Variants in MYO16 observed in about 807,000 individuals in gnomAD.
MYO16 encodes myosin XVI.
In MYO16, 94 loss-of-function variants were observed where a neutral mutation model predicts 205.3. That is an observed-to-expected ratio of 0.46 (90% CI 0.39 to 0.54). MYO16 has a LOEUF of 0.54. Among genes scored for constraint, MYO16 ranks in the 20% least tolerant of loss-of-function variants. The probability of loss-of-function intolerance (pLI) is 0.00; values close to 1 mark genes in which losing one functional copy is unlikely to be tolerated. For missense variants in MYO16, 2,315 were observed against 2,387.5 expected (o/e 0.97, Z 0.63); for synonymous variants, 988 against 954.0 (o/e 1.04, Z -0.66).
intron 2 of MYO16, among the ~76,000 whole-genome samples, chr13:108,679,209 G>A (rs950344441): frequency 1.3e-5 from 2 of 152,134 alleles, no homozygotes; most frequent in African/African-American, 4.8e-5. Context: ...ATCACCATTT[G>A]CATCTGTCAG....
chr13:109,040,416 A>AGAGAG (rs375579978), intron 23 of MYO16, among the ~76,000 whole-genome samples: 7 of 149,700 alleles, frequency 4.7e-5, no homozygotes, highest in East Asian at 2.0e-4. Flanking sequence ...AGAGAGAGAG[A>AGAGAG]AAATTAAAAA....
chr13:108,795,603 C>G (rs1337884819), intron 6 of MYO16, among the ~76,000 whole-genome samples: 1 of 152,124 alleles, frequency 6.6e-6, no homozygotes, highest in Non-Finnish European at 1.5e-5. Context: ...AACAACGTAA[C>G]TCTGTCATAA....
At chr13:108,853,614 T>G (rs1878005493) in intron 10 of MYO16, among the ~76,000 whole-genome samples, 2 of 136,556 alleles carry the variant, frequency 1.5e-5, no homozygotes, top group African/African-American at 5.5e-5. Context: ...TTTTTTTTTT[T>G]GAGACAGGGC....
intron 34 of MYO16, among the ~76,000 whole-genome samples, chr13:109,186,231 G>T (rs746432698): frequency 6.6e-6 from 1 of 152,108 alleles, no homozygotes; most frequent in East Asian, 1.9e-4. Context: ...ATTGATGACC[G>T]ACACATACTT....
the MYO16 span, among the ~76,000 whole-genome samples, chr13:108,563,176 T>C: frequency 6.6e-6 from 1 of 152,190 alleles, no homozygotes; most frequent in Non-Finnish European, 1.5e-5. Context: ...TTTATAACAA[T>C]ATAAGTATTT....
chr13:108,521,258 T>C, the MYO16 span, among the ~76,000 whole-genome samples: 1 of 152,220 alleles, frequency 6.6e-6, no homozygotes, highest in African/African-American at 2.4e-5. Flanking sequence ...TTAGTGAGAC[T>C]AGAATAGATA....
At chr13:109,043,611 T>C (rs1886949971) in intron 23 of MYO16, among the ~76,000 whole-genome samples, 1 of 152,188 alleles carries the variant, frequency 6.6e-6, no homozygotes. Flanking sequence ...GTACTTAGCC[T>C]TTTTGACTAT....
intron 4 of MYO16, among the ~76,000 whole-genome samples, chr13:108,765,955 G>C (rs1213470167): frequency 6.6e-6 from 1 of 151,968 alleles, no homozygotes; most frequent in Non-Finnish European, 1.5e-5. Flanking sequence ...CTGTAATAAA[G>C]GTTTTACATT....
Position 109,178,653 on chromosome 13 carries a change from TGC to T in MYO16, c.5324-886_5324-885del, listed in dbSNP as rs1162571402. ...ATCGAAGTCACTTGCGGTGATGCAT[TGC>T]GCCTGTATCACAGTGATTCTCAGCC... On this transcript the variant is annotated intron_variant, in intron 33 of 34. Transcript: ENST00000457511. 1.3e-3 allele frequency among the ~76,000 whole-genome samples: 205 copies of T among 152,302 alleles called. 2 individuals are homozygous for T. The highest frequency in any genetic ancestry group is 4.6e-3 in the African/African-American group (191 of 41,562).
At chr13:108,636,369 T>TTTTTTG (rs1555333960) in intron 1 of MYO16, among the ~76,000 whole-genome samples, 1 of 51,318 alleles carries the variant, frequency 1.9e-5, no homozygotes, top group Non-Finnish European at 4.2e-5. Flanking sequence ...TTTTTTTTTT[T>TTTTTTG]TGTGTGTGTG....
chr13:108,946,026 AT>A (rs1192689960), intron 16 of MYO16, among the ~76,000 whole-genome samples: 1 of 152,146 alleles, frequency 6.6e-6, no homozygotes, highest in Admixed American at 6.5e-5. Context: ...TAGACATGCC[AT>A]TTTTTGAAGA....
intron 20 of MYO16, among the ~76,000 whole-genome samples, chr13:108,973,928 A>G (rs1246614251): frequency 6.6e-6 from 1 of 152,066 alleles, no homozygotes; most frequent in Non-Finnish European, 1.5e-5. Flanking sequence ...GCTTTGAAGA[A>G]TTCTGCTGGC....
At chr13:108,645,555 C>T (rs919374377) in intron 1 of MYO16, among the ~76,000 whole-genome samples, 1 of 152,122 alleles carries the variant, frequency 6.6e-6, no homozygotes, top group Non-Finnish European at 1.5e-5. Context: ...CCACCTCCCA[C>T]AAAATAAGGA....
intron 4 of MYO16, among the ~76,000 whole-genome samples, chr13:108,752,348 A>C (rs904251277): frequency 3.3e-5 from 5 of 152,192 alleles, no homozygotes; most frequent in African/African-American, 1.2e-4. Flanking sequence ...CTATATAAAC[A>C]GTCACCTACA....
intron 12 of MYO16, among the ~76,000 whole-genome samples, chr13:108,869,943 C>T (rs1322710503): frequency 6.6e-6 from 1 of 150,884 alleles, no homozygotes; most frequent in Non-Finnish European, 1.5e-5. Flanking sequence ...TGGATTGGAT[C>T]ACCAGAATAA....
At chr13:109,113,233 T>C (rs964658904) in intron 28 of MYO16, among the ~76,000 whole-genome samples, 5 of 152,122 alleles carry the variant, frequency 3.3e-5, no homozygotes, top group Admixed American at 3.3e-4. Context: ...TGCTTAAAAT[T>C]TTATTAAGAG....
In MYO16 at chr13:108,685,291, G is replaced by A. The variant is rs1304507808; in HGVS notation, c.292+19142G>A. Among the ~76,000 whole-genome samples the A allele has an allele frequency of 2.6e-5, 4 of 152,248 alleles. No individual in the cohort carries two copies. In the East Asian group the frequency reaches 7.7e-4, roughly 29 times the overall value. ...CTGCCTCGGCCTCCCAAAGTGCTGG[G>A]ATTACAGGTGTGAGCCACTGCACCC... On this transcript the variant is annotated intron_variant, in intron 2 of 34. Transcript: ENST00000457511.
chr13:109,206,735 G>T lies in MYO16; in HGVS notation c.5542G>T (p.Val1848Leu), dbSNP rs745616491. 8.1e-6 allele frequency: 13 copies of T among 1,614,154 alleles called. No homozygotes were observed. The East Asian group carries it at 1.6e-4, about 19-fold the overall frequency. Reference protein sequence around the residue: ...QQILHHAEPRVPPPPPCKKPS... With the variant: ...QQILHHAEPRLPPPPPCKKPS... ...GATCCTGCACCACGCTGAGCCCAGG[G>T]TGCCTCCCCCACCACCTTGCAAGAA... The change falls in exon 35 of 35, where the codon GTG becomes TTG. Residue 1848 changes from valine to leucine, a missense_variant. Coordinates refer to ENST00000457511, the MANE Select transcript of MYO16 (RefSeq NM_001198950.3).
chr13:108,793,664 A>G (rs1338968078), intron 6 of MYO16, 24 bp downstream of exon 6: 1 of 1,598,618 alleles, frequency 6.3e-7, no homozygotes, highest in African/African-American at 1.3e-5. Context: ...TTTGACTCAG[A>G]AACTATTTGA....
Sources: allele counts gnomAD v4.1 joint callset (sites outside exome capture counted in the v4.1 genomes callset), GRCh38; gene constraint gnomAD v4.1.1; transcripts MANE v1.5; gene names NCBI Gene and HGNC (gene_info 2026-07-23, HGNC 2026-07-21).